RANBP3L: variants seen among roughly 807,000 people sequenced by gnomAD.
RANBP3L encodes ran-binding protein 3-like.
A neutral mutation model predicts 67.2 loss-of-function variants in RANBP3L; 56 were observed. The observed-to-expected ratio is 0.83, with a 90% confidence interval of 0.67 to 1.04. The LOEUF (loss-of-function observed/expected upper bound fraction) is 1.04, where lower values mean the gene tolerates loss of function less well. RANBP3L is among the 50% of genes least tolerant of loss of function. The probability of loss-of-function intolerance (pLI) is 0.00; values close to 1 mark genes in which losing one functional copy is unlikely to be tolerated. For synonymous variants in RANBP3L, 164 were observed against 181.4 expected, an observed-to-expected ratio of 0.90 and a Z score of 0.77; for missense variants, 496 against 535.5, an observed-to-expected ratio of 0.93 and a Z score of 0.73.
At chr5:36,278,028 A>G (rs1345379133) in intron 1 of RANBP3L, among the ~76,000 whole-genome samples, 2 of 152,094 alleles carry the variant, frequency 1.3e-5, no homozygotes, top group African/African-American at 4.8e-5. Context: ...CGTCCCCATG[A>G]TTCAATAATT....
chr5:36,262,891 A>T (rs1749497376), intron 6 of RANBP3L, among the ~76,000 whole-genome samples: 1 of 152,214 alleles, frequency 6.6e-6, no homozygotes, highest in Non-Finnish European at 1.5e-5. Context: ...CCAAAATGGT[A>T]GTTTTCACTC....
chr5:36,262,639 C>A (rs1487907124), intron 6 of RANBP3L, among the ~76,000 whole-genome samples: 1 of 152,130 alleles, frequency 6.6e-6, no homozygotes, highest in African/African-American at 2.4e-5. Flanking sequence ...CTAGTATTTA[C>A]AATTCCTTCC....
chr5:36,260,135 C>T (rs1397364983), intron 8 of RANBP3L, among the ~76,000 whole-genome samples: 1 of 150,964 alleles, frequency 6.6e-6, no homozygotes, highest in Non-Finnish European at 1.5e-5. Context: ...GGGCAGATGA[C>T]GAGGTCAGGA....
chr5:36,260,986 T>G (rs1453476866), intron 7 of RANBP3L, 122 bp from the exon 8 acceptor site: 1 of 586,352 alleles, frequency 1.7e-6, no homozygotes, highest in Non-Finnish European at 3.1e-6. Flanking sequence ...CTTTTGTTAG[T>G]GTGAATTTAA....
intron 1 of RANBP3L, among the ~76,000 whole-genome samples, chr5:36,293,737 C>T (rs1751979105): frequency 6.7e-6 from 1 of 149,040 alleles, no homozygotes; most frequent in Non-Finnish European, 1.5e-5. Flanking sequence ...AGCCTTGCAT[C>T]CCAGGGATGA....
At position 36,294,736 on chromosome 5, in the gene RANBP3L, T is replaced by TTA. The variant is rs375468190; in HGVS notation, c.91+6588_91+6589dup. 0.013 allele frequency among the ~76,000 whole-genome samples: 1,888 copies of TTA among 148,940 alleles called. 156 individuals carry two copies. In the East Asian group the frequency reaches 0.22, roughly 18 times the overall value. On this transcript the variant is annotated intron_variant, in intron 1 of 13. Transcript: ENST00000296604. Reference sequence around the variant, plus strand: ...TTTTAAGGCTGAAAATTATTTGGTTTTATATATATATATATGTATAGTGTG... The same window carrying TTA: ...TTTTAAGGCTGAAAATTATTTGGTTTTATATATATATATATATGTATAGTGTG...
At chr5:36,268,461 T>C (rs547206302) in intron 4 of RANBP3L, among the ~76,000 whole-genome samples, 215 of 152,290 alleles carry the variant, frequency 1.4e-3, no homozygotes, top group Non-Finnish European at 2.0e-3. Flanking sequence ...ACAGTAAATA[T>C]TTATTTTGTG....
At chr5:36,299,020 G>C (rs1014801084) in intron 1 of RANBP3L, among the ~76,000 whole-genome samples, 1 of 152,066 alleles carries the variant, frequency 6.6e-6, no homozygotes, top group Non-Finnish European at 1.5e-5. Context: ...GGCTGGGGAA[G>C]GCAGATCCAC....
chr5:36,275,321 C>T (rs1750496302), intron 1 of RANBP3L, among the ~76,000 whole-genome samples: 1 of 152,154 alleles, frequency 6.6e-6, no homozygotes, highest in African/African-American at 2.4e-5. Flanking sequence ...TGGTTTAGTG[C>T]CTCACTAAAT....
chr5:36,282,501 C>G (rs1751037469), intron 1 of RANBP3L, among the ~76,000 whole-genome samples: 1 of 152,166 alleles, frequency 6.6e-6, no homozygotes, highest in African/African-American at 2.4e-5. Context: ...AAGAAACATA[C>G]TATTTTTAAA....
At chr5:36,266,757 CTT>C (rs10556207) in intron 4 of RANBP3L, among the ~76,000 whole-genome samples, 141,134 of 149,010 alleles carry the variant, frequency 0.95, 67,121 homozygotes, top group Non-Finnish European at 0.98. Flanking sequence ...GTCTCTCTCA[CTT>C]TTTTTTTTTT....
In RANBP3L at chr5:36,269,432, A is replaced by C. The variant is rs1288724829; in HGVS notation, c.226T>G (p.Ser76Ala). 6.3e-7 allele frequency: 1 copy of C among 1,580,648 alleles called. No homozygotes were observed. The highest frequency in any genetic ancestry group is 8.7e-7 in the Non-Finnish European group (1 of 1,149,374). The change falls in exon 4 of 14, where the codon TCA becomes GCA. Residue 76 changes from serine to alanine, a missense_variant. Physicochemically the swap from Ser to Ala is moderately conservative, Grantham distance 99. Coordinates refer to ENST00000296604, the MANE Select transcript of RANBP3L (RefSeq NM_145000.5). Reference protein sequence around the residue: ...NGFPTKRVRSSSFTFHITDSQ... With the variant: ...NGFPTKRVRSASFTFHITDSQ... ...TCTGTAATATGAAAAGTAAAAGATG[A>C]AGACCGTACACGCTTTGTTGGAAAA... is the stretch of plus-strand genomic sequence containing the variant.
rs1752613275 is a variant in RANBP3L at position 36,301,468 on chromosome 5, T to C, written c.-52A>G. The C allele has an allele frequency of 1.4e-6, 2 of 1,425,846 alleles. No individual in the cohort carries two copies. Among genetic ancestry groups the C allele is most frequent in the Non-Finnish European group, 2.0e-6 (2 of 1,015,004 alleles). 88.3% of individuals were successfully genotyped at this position (1,425,846 alleles called of 1,614,324 possible). A position where few individuals can be genotyped will look rare whatever the true frequency, so the allele number is the denominator to read the frequency against. On this transcript the variant is annotated 5_prime_UTR_variant, in exon 1 of 14. Coordinates refer to ENST00000296604, the MANE Select transcript of RANBP3L (RefSeq NM_145000.5). ...AGGATCACTAGGGCACCTCCTTCTCTGGCCAGTCACCTAAAGTGGCCTTCA... is the reference window on the plus strand; with the variant it reads ...AGGATCACTAGGGCACCTCCTTCTCCGGCCAGTCACCTAAAGTGGCCTTCA...
Position 36,251,383 on chromosome 5 carries a change from G to T in RANBP3L, c.1284C>A (p.Ala428=), listed in dbSNP as rs1183340759. The T allele has an allele frequency of 1.2e-6, 2 of 1,613,272 alleles. No individual in the cohort carries two copies. The highest frequency in any genetic ancestry group is 1.7e-6 in the Non-Finnish European group (2 of 1,179,532). The part of the protein sequence containing the change: ...VNQAESLSET[A]QQLNCESCDE... ...CACAGCTTTCGCAGTTCAATTGTTG[G>T]GCTGTTTCTGACAGGCTTTCAGCTT... The change falls in exon 13 of 14, where the codon GCC becomes GCA. Residue 428 remains alanine (A), a synonymous_variant. Coordinates refer to ENST00000296604, the MANE Select transcript of RANBP3L (RefSeq NM_145000.5).
chr5:36,297,603 G>A (rs145565455), intron 1 of RANBP3L, among the ~76,000 whole-genome samples: 1 of 152,286 alleles, frequency 6.6e-6, no homozygotes, highest in East Asian at 1.9e-4. Flanking sequence ...CCTAGTACAT[G>A]TAATGTGTAA....
Position 36,249,520 on chromosome 5 carries a change from A to G in RANBP3L, c.*134T>C. 1 of 467,752 alleles carries G rather than the reference A, an allele frequency of 2.1e-6. No individual in the cohort carries two copies. Among genetic ancestry groups the G allele is most frequent in the Non-Finnish European group, 3.9e-6 (1 of 255,504 alleles). The allele number at this position is 467,752 out of a possible 1,614,324, so 29.0% of individuals were successfully genotyped here. The stretch of plus-strand genomic sequence containing the variant: ...AAACATAAAAATGTTAATTGCAACA[A>G]ATTACATTTCTTAAACTTTTCTATA... On this transcript the variant is annotated 3_prime_UTR_variant, in exon 14 of 14. Transcript: ENST00000296604.
intron 1 of RANBP3L, among the ~76,000 whole-genome samples, chr5:36,290,795 G>T (rs1470138327): frequency 3.8e-5 from 5 of 131,202 alleles, no homozygotes; most frequent in Non-Finnish European, 1.6e-5. Context: ...GCAGTGGCGC[G>T]ATCTCGGCTC....
At chr5:36,290,179 T>C (rs1411685181) in intron 1 of RANBP3L, among the ~76,000 whole-genome samples, 1 of 151,890 alleles carries the variant, frequency 6.6e-6, no homozygotes, top group Non-Finnish European at 1.5e-5. Context: ...AATGACACCC[T>C]CTACATCATT....
intron 4 of RANBP3L, chr5:36,268,405 T>G: frequency 1.9e-6 from 1 of 538,618 alleles, no homozygotes; most frequent in South Asian, 2.7e-5. Context: ...TAAAAATGAG[T>G]ACATCTGATG....
Sources: allele counts gnomAD v4.1 joint callset (sites outside exome capture counted in the v4.1 genomes callset), GRCh38; gene constraint gnomAD v4.1.1; transcripts MANE v1.5; gene names NCBI Gene and HGNC (gene_info 2026-07-23, HGNC 2026-07-21).